Variants in IQSEC3 observed in about 807,000 individuals in gnomAD.
The protein encoded by IQSEC3 is IQ motif and Sec7 domain ArfGEF 3, also known as IQ motif and SEC7 domain-containing protein 3.
Under a neutral mutation model 105.4 loss-of-function variants are expected in IQSEC3, and 50 were observed. The ratio of observed to expected loss-of-function variants is 0.47; its 90% confidence interval spans 0.38 to 0.60. The LOEUF is 0.60. Ranked by LOEUF, IQSEC3 falls within the 20% of genes least tolerant of loss-of-function variation. The pLI is 0.00. For missense variants in IQSEC3, 1,415 were observed against 1,630.0 expected (o/e 0.87, Z 2.27); for synonymous variants, 708 against 746.0 (o/e 0.95, Z 0.83).
At chr12:139,572 T>A in intron 4 of IQSEC3, 3 of 440,138 alleles carry the variant, frequency 6.8e-6, no homozygotes, top group African/African-American at 2.0e-5. Flanking sequence ...TAAGAAAGAT[T>A]AAAGGAAAAA....
At chr12:135,308 C>T (rs1381878770) in intron 3 of IQSEC3, among the ~76,000 whole-genome samples, 1 of 152,192 alleles carries the variant, frequency 6.6e-6, no homozygotes, top group African/African-American at 2.4e-5. Flanking sequence ...TTCCAGGCCT[C>T]AGGGAATGTG....
rs1555087458 is a variant in IQSEC3 at position 138,636 on chromosome 12, A to G, written c.1273A>G (p.Met425Val). Residue 425 changes from methionine to valine, a missense_variant, in exon 4 of 14, where the codon ATG becomes GTG. Transcript: ENST00000538872. The surrounding 1 kb of genome is among the most constrained non-coding windows in gnomAD (Gnocchi z 7.1). Reference sequence around the variant, plus strand: ...GCTCAGCACGTGGAGCCTCAAGACCATGTGCTCCCTGCGGGAGAGTGGCGC... The same window carrying G: ...GCTCAGCACGTGGAGCCTCAAGACCGTGTGCTCCCTGCGGGAGAGTGGCGC... ...DALSTWSLKT[M>V]CSLRESGAYQ... The G allele has an allele frequency of 6.3e-7, 1 of 1,583,714 alleles. No homozygotes were observed. The highest frequency in any genetic ancestry group is 8.5e-7 in the Non-Finnish European group (1 of 1,172,808).
chr12:119,328 C>T (rs782563944), intron 2 of IQSEC3, among the ~76,000 whole-genome samples: 2 of 152,086 alleles, frequency 1.3e-5, no homozygotes, highest in Non-Finnish European at 2.9e-5. Context: ...ATTTTCTCTC[C>T]ATAATAGTGT....
rs144978977 is a variant in IQSEC3, at chr12:126,770, T to A, written c.903+858T>A. 6.8e-4 allele frequency among the ~76,000 whole-genome samples: 104 copies of A among 152,326 alleles called. 1 individual carries two copies. Among genetic ancestry groups the A allele is most frequent in the Admixed American group, 1.5e-3 (23 of 15,302 alleles). On this transcript the variant is annotated intron_variant, in intron 3 of 13. Coordinates refer to ENST00000538872, the MANE Select transcript of IQSEC3 (RefSeq NM_001170738.2). ...AACTTTGAATCACCTCCAAGGTCCC[T>A]TCTGCCCCAAAATGTGTAGGTTCTA...
At chr12:154,303 C>G (rs1278663130) in intron 5 of IQSEC3, among the ~76,000 whole-genome samples, 1 of 44,722 alleles carries the variant, frequency 2.2e-5, no homozygotes, top group African/African-American at 3.5e-5. Flanking sequence ...GCCACCCTCA[C>G]CAGCTGCTCC....
At chr12:130,392 G>A (rs189061409) in intron 3 of IQSEC3, among the ~76,000 whole-genome samples, 90 of 152,324 alleles carry the variant, frequency 5.9e-4, no homozygotes, top group Admixed American at 9.1e-4. Context: ...GTGATGTTAA[G>A]TAACTTGCCC....
chr12:161,799 C>T, intron 7 of IQSEC3, 127 bp from the exon 8 acceptor site: 1 of 850,510 alleles, frequency 1.2e-6, no homozygotes, highest in Non-Finnish European at 1.8e-6. Flanking sequence ...CCATTGAAGG[C>T]ATGGCAAGAA....
chr12:137,853 A>G (rs1555086886), intron 3 of IQSEC3, among the ~76,000 whole-genome samples: 2 of 150,572 alleles, frequency 1.3e-5, no homozygotes, highest in Non-Finnish European at 3.0e-5. Flanking sequence ...AGAGAGAGAC[A>G]AGGTCTAGCT....
chr12:154,539 G>C (rs11061667), intron 5 of IQSEC3, among the ~76,000 whole-genome samples: 17,971 of 152,154 alleles, frequency 0.12, 1,624 homozygotes, highest in African/African-American at 0.26. Context: ...CAGCAGGATG[G>C]CACTCAGAGG....
intron 11 of IQSEC3, among the ~76,000 whole-genome samples, chr12:167,859 CA>C (rs1196021474): frequency 6.6e-6 from 1 of 152,202 alleles, no homozygotes; most frequent in Non-Finnish European, 1.5e-5. Context: ...CAGTCAGTGA[CA>C]AAACAAGGTT....
intron 5 of IQSEC3, among the ~76,000 whole-genome samples, chr12:153,530 C>T (rs1866578990): frequency 6.6e-6 from 1 of 152,196 alleles, no homozygotes; most frequent in Non-Finnish European, 1.5e-5. Flanking sequence ...ACAGCTTCCT[C>T]CCTTCCAGCT....
chr12:99,115 G>A, intron 1 of IQSEC3, 31 bp from the exon 2 acceptor site: 2 of 1,586,478 alleles, frequency 1.3e-6, no homozygotes, highest in Non-Finnish European at 1.7e-6. Flanking sequence ...CCTGCCTCAG[G>A]CGCTCTGATC....
Position 165,681 on chromosome 12 carries a change from G to A in IQSEC3, c.2810-48G>A, listed in dbSNP as rs369884496. On this transcript the variant is annotated intron_variant, in intron 10 of 13. Coordinates refer to ENST00000538872, the MANE Select transcript of IQSEC3 (RefSeq NM_001170738.2). ...TCATGTCTGGCTGGCTCTGGCCCTCGGCTGCTGCTGCTCACAGCCCACTGG... is the reference window on the plus strand; with the variant it reads ...TCATGTCTGGCTGGCTCTGGCCCTCAGCTGCTGCTGCTCACAGCCCACTGG... 1,402 of 1,604,806 alleles carry A rather than the reference G, an allele frequency of 8.7e-4. 1 individual carries two copies. Among genetic ancestry groups the A allele is most frequent in the Non-Finnish European group, 1.1e-3 (1,275 of 1,174,300 alleles).
chr12:80,805 G>T (rs1330727480), intron 1 of IQSEC3, among the ~76,000 whole-genome samples: 4 of 152,204 alleles, frequency 2.6e-5, no homozygotes, highest in Admixed American at 2.0e-4. Context: ...GGGTGCCCTG[G>T]GGAGACAGCA....
rs1409716894 is a variant in IQSEC3 at position 76,785 on chromosome 12, C to A, written c.554+9349C>A. On this transcript the variant is annotated intron_variant, in intron 1 of 13. Transcript: ENST00000538872. Reference sequence around the variant, plus strand: ...AGTGTCTGGAAGCTCAGGTACGGGGCGGCCAGACACACACAAAGCTGTAGT... The same window carrying A: ...AGTGTCTGGAAGCTCAGGTACGGGGAGGCCAGACACACACAAAGCTGTAGT... Among the ~76,000 whole-genome samples the A allele has an allele frequency of 3.9e-5, 6 of 152,254 alleles. No homozygotes were observed. The South Asian group carries it at 1.2e-3, about 31-fold the overall frequency.
chr12:158,053 A>T (rs112857562), intron 7 of IQSEC3, among the ~76,000 whole-genome samples: 2,197 of 152,340 alleles, frequency 0.014, 23 homozygotes, highest in Middle Eastern at 0.027. Flanking sequence ...CCCTGGGTCC[A>T]TTTAAGTCAG....
intron 5 of IQSEC3, chr12:143,640 GCGTTC>G (rs1866130894): frequency 1.2e-5 from 2 of 165,950 alleles, no homozygotes; most frequent in Non-Finnish European, 1.3e-5. Flanking sequence ...TGGGGTGCCA[GCGTTC>G]ATGCAGGGCA....
rs142365361 is a variant in IQSEC3 at position 110,723 on chromosome 12, G to T, written c.623+11509G>T. Among the ~76,000 whole-genome samples, 76 of 152,218 alleles carry T rather than the reference G, an allele frequency of 5.0e-4. No individual in the cohort carries two copies. The East Asian group carries it at 9.5e-3, about 19-fold the overall frequency. ...GTATAAAAATGGGGTCATAAAAATTGATCTAGCTGCTCTGCTAAACCGAGG... is the reference window on the plus strand; with the variant it reads ...GTATAAAAATGGGGTCATAAAAATTTATCTAGCTGCTCTGCTAAACCGAGG... On this transcript the variant is annotated intron_variant, in intron 2 of 13. Transcript: ENST00000538872.
At chr12:124,919 G>A (rs1394882779) in intron 2 of IQSEC3, among the ~76,000 whole-genome samples, 2 of 152,222 alleles carry the variant, frequency 1.3e-5, no homozygotes, top group African/African-American at 4.8e-5. Context: ...GGGGAACAGA[G>A]GATGGGTCAG....
Sources: gnomAD v4.1 joint callset for allele counts (sites outside exome capture counted in the v4.1 genomes callset) on GRCh38, gnomAD v4.1.1 for gene constraint, Gnocchi (gnomAD v3.1) non-coding constraint, MANE v1.5 for transcripts, NCBI Gene and HGNC (gene_info 2026-07-23, HGNC 2026-07-21) for gene names.